The following SLC25A26 variants were observed in gnomAD, a reference collection of about 807,000 sequenced individuals.
SLC25A26 encodes the protein mitochondrial S-adenosylmethionine carrier protein.
SLC25A26 carries 36 observed loss-of-function variants against 37.8 expected under a neutral mutation model. That is an observed-to-expected ratio of 0.95 (90% confidence interval 0.73 to 1.26). The LOEUF is 1.26. SLC25A26 is among the 50% of genes most tolerant of loss of function. The probability of loss-of-function intolerance (pLI) is 0.00; values close to 1 mark genes in which losing one functional copy is unlikely to be tolerated. For missense variants in SLC25A26, 390 were observed against 331.1 expected, an observed-to-expected ratio of 1.18 and a Z score of -1.38; for synonymous variants, 129 against 122.5, an observed-to-expected ratio of 1.05 and a Z score of -0.35.
intron 1 of SLC25A26, among the ~76,000 whole-genome samples, chr3:66,229,756 G>A (rs2071924341): frequency 6.6e-6 from 1 of 152,146 alleles, no homozygotes; most frequent in Non-Finnish European, 1.5e-5. Flanking sequence ...TGATGGCAAA[G>A]CTGTGTTCTT....
At chr3:66,187,840 T>C (rs1279905794) in intron 1 of SLC25A26, among the ~76,000 whole-genome samples, 1 of 151,852 alleles carries the variant, frequency 6.6e-6, no homozygotes, top group Non-Finnish European at 1.5e-5. Flanking sequence ...ACCCTCAATC[T>C]AATATTAACC....
At chr3:66,345,867 CACA>C (rs2076310393) in intron 5 of SLC25A26, among the ~76,000 whole-genome samples, 2 of 152,314 alleles carry the variant, frequency 1.3e-5, no homozygotes, top group South Asian at 4.1e-4. Flanking sequence ...AAAGGGGATT[CACA>C]ACATCATTTT....
rs766182839 is a variant in SLC25A26, at chr3:66,377,854, A to G, written c.*47A>G. On this transcript the variant is annotated 3_prime_UTR_variant, in exon 10 of 10. Coordinates refer to ENST00000354883, the MANE Select transcript of SLC25A26 (RefSeq NM_001379210.1). ...CACTTCTGTCAAGAGAGGGGCCTGC[A>G]GTGCAAACCCTCTTCCGCTGAGCAG... The G allele has an allele frequency of 1.8e-5, 25 of 1,404,776 alleles. No individual in the cohort carries two copies. In the South Asian group the frequency reaches 2.1e-4, roughly 12 times the overall value. 87.0% of individuals were successfully genotyped at this position (1,404,776 alleles called of 1,614,324 possible).
At chr3:66,237,453 T>G (rs1019621679) in intron 2 of SLC25A26, among the ~76,000 whole-genome samples, 3 of 152,210 alleles carry the variant, frequency 2.0e-5, no homozygotes, top group Non-Finnish European at 4.4e-5. Context: ...AAGCCAAGTT[T>G]GATAATAGCT....
chr3:66,377,204 C>T (rs1047041004), intron 9 of SLC25A26, among the ~76,000 whole-genome samples: 4 of 152,218 alleles, frequency 2.6e-5, no homozygotes, highest in African/African-American at 9.6e-5. Context: ...CAGGTGGAGG[C>T]ATGCTGCCCC....
intron 7 of SLC25A26, among the ~76,000 whole-genome samples, chr3:66,366,132 C>T (rs1043117574): frequency 6.6e-6 from 1 of 152,190 alleles, no homozygotes; most frequent in Non-Finnish European, 1.5e-5. Context: ...GTTAGCCTAA[C>T]ATTCAGTACA....
chr3:66,370,684 C>T (rs1700302565), intron 9 of SLC25A26, 82 bp downstream of exon 9: 3 of 1,055,744 alleles, frequency 2.8e-6, no homozygotes, highest in African/African-American at 3.1e-5. Flanking sequence ...AACACCTCTC[C>T]TTCCCTTCTG....
At chr3:66,295,410 T>G (rs1376634130) in intron 5 of SLC25A26, among the ~76,000 whole-genome samples, 3 of 149,738 alleles carry the variant, frequency 2.0e-5, no homozygotes, top group East Asian at 2.0e-4. Context: ...TTTTTGTTTT[T>G]TTTTTTTTTT....
At chr3:66,301,212 T>C (rs1237674438) in intron 5 of SLC25A26, among the ~76,000 whole-genome samples, 3 of 152,244 alleles carry the variant, frequency 2.0e-5, no homozygotes, top group African/African-American at 7.2e-5. Context: ...GAATTTATTA[T>C]AGCAATTTCT....
At chr3:66,254,583 C>T (rs916276305) in intron 3 of SLC25A26, among the ~76,000 whole-genome samples, 3 of 152,188 alleles carry the variant, frequency 2.0e-5, no homozygotes, top group Non-Finnish European at 4.4e-5. Flanking sequence ...GAAGCATTAG[C>T]TGAAATTAAA....
intron 3 of SLC25A26, among the ~76,000 whole-genome samples, chr3:66,251,743 T>C (rs962345943): frequency 3.9e-5 from 6 of 152,218 alleles, no homozygotes; most frequent in Non-Finnish European, 7.3e-5. Context: ...GTACCCCATC[T>C]GCATCCTCAC....
intron 1 of SLC25A26, among the ~76,000 whole-genome samples, chr3:66,209,022 ACACACCCATATAAAGGTG>A (rs2106829596): frequency 8.9e-6 from 1 of 111,974 alleles, no homozygotes; most frequent in Non-Finnish European, 1.8e-5. Context: ...ATATATATAT[ACACACCCATATAAAGGTG>A]TATATATATA....
intron 1 of SLC25A26, among the ~76,000 whole-genome samples, chr3:66,225,467 G>A (rs1576658849): frequency 6.6e-6 from 1 of 152,274 alleles, no homozygotes; most frequent in Non-Finnish European, 1.5e-5. Flanking sequence ...ACAGCAAGGG[G>A]GCCCTGGACC....
intron 5 of SLC25A26, among the ~76,000 whole-genome samples, chr3:66,303,482 C>A (rs893382182): frequency 6.6e-6 from 1 of 152,182 alleles, no homozygotes; most frequent in African/African-American, 2.4e-5. Context: ...AGATGCCTTC[C>A]AGGTAAGATT....
intron 1 of SLC25A26, among the ~76,000 whole-genome samples, chr3:66,150,400 A>T (rs1271266614): frequency 3.3e-5 from 5 of 150,016 alleles, no homozygotes; most frequent in African/African-American, 1.2e-4. Flanking sequence ...CAGGAGGCTG[A>T]GGCATGAGAA....
At chr3:66,333,072 C>T (rs1030795449) in intron 5 of SLC25A26, among the ~76,000 whole-genome samples, 5 of 151,076 alleles carry the variant, frequency 3.3e-5, no homozygotes, top group Non-Finnish European at 7.4e-5. Flanking sequence ...ATTTTTTTTT[C>T]CTGAAGTACT....
intron 1 of SLC25A26, among the ~76,000 whole-genome samples, chr3:66,193,749 TC>T (rs1303789347): frequency 1.3e-5 from 2 of 152,062 alleles, no homozygotes; most frequent in Non-Finnish European, 2.9e-5. Context: ...AAAAACACAG[TC>T]ATTGAAAAGA....
intron 5 of SLC25A26, chr3:66,293,103 T>C (rs2074771349): frequency 6.6e-6 from 1 of 152,060 alleles, no homozygotes; most frequent in African/African-American, 2.4e-5. Context: ...GTGTATACTT[T>C]ATGAAGTTCT....
intron 9 of SLC25A26, among the ~76,000 whole-genome samples, chr3:66,371,982 G>A (rs4856876): frequency 0.24 from 35,953 of 152,034 alleles, 5,059 homozygotes; most frequent in East Asian, 0.63. Flanking sequence ...ACCTGTAGTC[G>A]CAGCTACTCA....
Sources: gnomAD v4.1 joint callset for allele counts (sites outside exome capture counted in the v4.1 genomes callset) on GRCh38, gnomAD v4.1.1 for gene constraint, MANE v1.5 for transcripts, NCBI Gene and HGNC (gene_info 2026-07-23, HGNC 2026-07-21) for gene names.